Variants in GLIS3 observed in about 807,000 individuals in gnomAD.
The protein encoded by GLIS3 is zinc finger protein GLIS3.
GLIS3 carries 53 observed loss-of-function variants against 78.6 expected under a neutral mutation model. The observed-to-expected ratio is 0.67, with a 90% CI of 0.54 to 0.85. GLIS3 has a LOEUF of 0.85. GLIS3 is among the 40% of genes least tolerant of loss of function. The pLI is 0.00. For missense variants in GLIS3, 1,703 were observed against 1,231.1 expected (o/e 1.38, Z -5.74); for synonymous variants, 684 against 509.9 (o/e 1.34, Z -4.60).
At chr9:4,289,059 C>CA (rs983046655) in intron 1 of GLIS3, among the ~76,000 whole-genome samples, 3 of 151,944 alleles carry the variant, frequency 2.0e-5, no homozygotes, top group South Asian at 2.1e-4. Context: ...TCCTTGGTAA[C>CA]AAAAAAAGGG....
the GLIS3 span, among the ~76,000 whole-genome samples, chr9:4,397,030 T>TTTTTC: frequency 8.6e-4 from 100 of 116,606 alleles, no homozygotes; most frequent in African/African-American, 3.4e-3. Flanking sequence ...TTTTCTTTTT[T>TTTTTC]TTTTTTTTTT....
chr9:3,959,853 T>C (rs1005149927), intron 4 of GLIS3, among the ~76,000 whole-genome samples: 6 of 152,180 alleles, frequency 3.9e-5, no homozygotes, highest in Non-Finnish European at 7.4e-5. Flanking sequence ...GGTCCCTTTA[T>C]AGAAAGAGGA....
chr9:4,308,615 C>A (rs1345920662), intron 4 of GLIS3, among the ~76,000 whole-genome samples: 1 of 152,090 alleles, frequency 6.6e-6, no homozygotes, highest in East Asian at 1.9e-4. Flanking sequence ...CCTTAGAATA[C>A]CCAGGGAAAC....
the GLIS3 span, among the ~76,000 whole-genome samples, chr9:4,404,580 A>G: frequency 3.1e-4 from 47 of 152,242 alleles, no homozygotes; most frequent in Admixed American, 3.0e-3. Context: ...TGGAAACTAT[A>G]TAAACACATG....
At chr9:4,068,984 T>A (rs1827349682) in intron 4 of GLIS3, among the ~76,000 whole-genome samples, 1 of 152,102 alleles carries the variant, frequency 6.6e-6, no homozygotes, top group South Asian at 2.1e-4. Context: ...CCCCTTGCCC[T>A]ACCCATGGAG....
At chr9:3,844,337 A>T (rs1353839325) in intron 9 of GLIS3, among the ~76,000 whole-genome samples, 1 of 152,220 alleles carries the variant, frequency 6.6e-6, no homozygotes, top group African/African-American at 2.4e-5. Flanking sequence ...TATAAGAAAT[A>T]TAAGACATAG....
the GLIS3 span, among the ~76,000 whole-genome samples, chr9:4,412,086 A>G: frequency 6.6e-6 from 1 of 152,200 alleles, no homozygotes; most frequent in East Asian, 1.9e-4. Flanking sequence ...CTCTGTCCTC[A>G]GTGAGTTTCT....
chr9:4,196,079 C>A (rs1011950299), intron 2 of GLIS3, among the ~76,000 whole-genome samples: 3 of 152,072 alleles, frequency 2.0e-5, no homozygotes, highest in Non-Finnish European at 2.9e-5. Flanking sequence ...GACCAATCAG[C>A]ACTCTGTCTA....
chr9:4,246,214 C>A (rs1823788632), intron 2 of GLIS3, among the ~76,000 whole-genome samples: 1 of 152,174 alleles, frequency 6.6e-6, no homozygotes, highest in Non-Finnish European at 1.5e-5. Context: ...CAAAAATTAT[C>A]CAGTCTCATA....
chr9:4,358,314 T>A, the GLIS3 span, among the ~76,000 whole-genome samples: 10 of 132,228 alleles, frequency 7.6e-5, no homozygotes, highest in Admixed American at 7.9e-4. Context: ...CTAGTATCAC[T>A]TTTGTAATTT....
chr9:4,015,573 A>C (rs184841732), intron 4 of GLIS3, among the ~76,000 whole-genome samples: 1 of 152,154 alleles, frequency 6.6e-6, no homozygotes, highest in Admixed American at 6.5e-5. Flanking sequence ...CTTGTCTACA[A>C]AAGAAGTTCA....
At chr9:4,369,920 G>C in the GLIS3 span, among the ~76,000 whole-genome samples, 1 of 152,170 alleles carries the variant, frequency 6.6e-6, no homozygotes, top group African/African-American at 2.4e-5. Flanking sequence ...GGCTTGGCAA[G>C]GTGGCTCATG....
intron 8 of GLIS3, 88 bp downstream of exon 8, chr9:3,879,339 A>T: frequency 7.8e-7 from 1 of 1,289,068 alleles, no homozygotes; most frequent in Non-Finnish European, 1.1e-6. Flanking sequence ...ACGGATTATT[A>T]ATAAAATTCA....
chr9:3,832,355 T>C (rs1170454966), intron 9 of GLIS3, among the ~76,000 whole-genome samples: 1 of 152,116 alleles, frequency 6.6e-6, no homozygotes, highest in Non-Finnish European at 1.5e-5. Flanking sequence ...TATTTAACAA[T>C]AACCAATGTA....
chr9:4,339,328 G>A (rs181725622), intron 2 of GLIS3, among the ~76,000 whole-genome samples: 29 of 152,284 alleles, frequency 1.9e-4, no homozygotes, highest in African/African-American at 7.0e-4. Flanking sequence ...GTTTCATTTT[G>A]AAGTACCAAA....
intron 2 of GLIS3, among the ~76,000 whole-genome samples, chr9:4,267,971 G>GTA (rs1278089017): frequency 2.0e-5 from 3 of 151,450 alleles, no homozygotes; most frequent in African/African-American, 7.3e-5. Context: ...GTGTGTGTGT[G>GTA]TGTGTATGTG....
At chr9:4,329,858 C>T (rs16921157) in intron 2 of GLIS3, among the ~76,000 whole-genome samples, 2,662 of 152,264 alleles carry the variant, frequency 0.017, 73 homozygotes, top group African/African-American at 0.059. Flanking sequence ...ATGAATTCGA[C>T]TGAAACAGTT....
chr9:4,207,057 A>G (rs565947417), intron 2 of GLIS3, among the ~76,000 whole-genome samples: 6 of 152,258 alleles, frequency 3.9e-5, no homozygotes, highest in South Asian at 4.1e-4. Flanking sequence ...GAATCCCTAG[A>G]CCAGAGGGCC....
intron 6 of GLIS3, among the ~76,000 whole-genome samples, chr9:3,926,772 G>A (rs1227291705): frequency 2.0e-5 from 3 of 152,032 alleles, no homozygotes; most frequent in East Asian, 1.9e-4. Context: ...ACAGGCGCAC[G>A]CCACCATGCC....
Sources: gnomAD v4.1 joint callset for allele counts (sites outside exome capture counted in the v4.1 genomes callset) on GRCh38, gnomAD v4.1.1 for gene constraint, MANE v1.5 for transcripts, NCBI Gene and HGNC (gene_info 2026-07-23, HGNC 2026-07-21) for gene names.